The following ECPAS variants were observed in gnomAD, a reference collection of about 807,000 sequenced individuals.
The protein encoded by ECPAS is proteasome adapter and scaffold protein ECM29.
Under a neutral mutation model 255.1 loss-of-function variants are expected in ECPAS, and 70 were observed. That is an observed-to-expected ratio of 0.27 (90% CI 0.23 to 0.33). ECPAS has a LOEUF of 0.33. Ranked by LOEUF, ECPAS falls within the 10% of genes least tolerant of loss-of-function variation. The pLI is 1.00. For synonymous variants in ECPAS, 784 were observed against 775.0 expected (o/e 1.01, Z -0.19); for missense variants, 1,817 against 2,206.4 (o/e 0.82, Z 3.54).
chr9:111,377,744 T>C (rs2098135055), intron 36 of ECPAS, among the ~76,000 whole-genome samples: 1 of 152,222 alleles, frequency 6.6e-6, no homozygotes, highest in African/African-American at 2.4e-5. Context: ...CAGCAGGTGC[T>C]CCTCAGGGAA....
At chr9:111,373,267 T>C (rs986505373) in intron 40 of ECPAS, 31 bp from the exon 41 acceptor site, 3 of 1,613,454 alleles carry the variant, frequency 1.9e-6, no homozygotes, top group African/African-American at 2.7e-5. Context: ...AGTATTTCTT[T>C]ATAACTGTCA....
intron 2 of ECPAS, among the ~76,000 whole-genome samples, chr9:111,462,471 G>A (rs761929448): frequency 1.1e-4 from 17 of 152,094 alleles, no homozygotes; most frequent in Non-Finnish European, 1.2e-4. Flanking sequence ...AGTATTCACA[G>A]ATTACATGAT....
chr9:111,483,814 C>T, intron 1 of ECPAS: 1 of 220,466 alleles, frequency 4.5e-6, no homozygotes, highest in Non-Finnish European at 7.6e-6. Context: ...TCTGTGCGGC[C>T]GAATCCCCGT....
intron 24 of ECPAS, among the ~76,000 whole-genome samples, chr9:111,400,539 T>C (rs2098174234): frequency 1.3e-5 from 2 of 151,962 alleles, no homozygotes; most frequent in Admixed American, 1.3e-4. Flanking sequence ...CAAGAAAACA[T>C]GGAGAAGGAA....
chr9:111,437,515 A>T (rs574371090), intron 6 of ECPAS, among the ~76,000 whole-genome samples: 1 of 152,326 alleles, frequency 6.6e-6, no homozygotes, highest in East Asian at 1.9e-4. Context: ...GTATTTTTAC[A>T]GTCATTCTCA....
At chr9:111,365,416 A>T (rs192441304) in intron 48 of ECPAS, 1 of 155,236 alleles carries the variant, frequency 6.4e-6, no homozygotes, top group East Asian at 1.9e-4. Flanking sequence ...CTATAACTCC[A>T]GTACTTTGGG....
At chr9:111,447,243 G>C (rs561762019) in intron 3 of ECPAS, among the ~76,000 whole-genome samples, 20 of 151,844 alleles carry the variant, frequency 1.3e-4, no homozygotes, top group Non-Finnish European at 2.2e-4. Context: ...TCCTATCTCA[G>C]TCACTGCAGT....
At chr9:111,410,920 T>C in intron 22 of ECPAS, 60 bp downstream of exon 22, 1 of 1,502,598 alleles carries the variant, frequency 6.7e-7, no homozygotes, top group Non-Finnish European at 9.1e-7. Context: ...AAACGCCATA[T>C]TAAAATTTAA....
intron 24 of ECPAS, among the ~76,000 whole-genome samples, chr9:111,402,874 A>G (rs889960528): frequency 6.6e-6 from 1 of 152,164 alleles, no homozygotes; most frequent in Non-Finnish European, 1.5e-5. Context: ...TTTATCCACA[A>G]AGGAAGACAG....
intron 48 of ECPAS, among the ~76,000 whole-genome samples, chr9:111,364,324 T>A (rs2098117705): frequency 6.6e-6 from 1 of 152,108 alleles, no homozygotes; most frequent in African/African-American, 2.4e-5. Flanking sequence ...CGGTGACCTG[T>A]CAAAAGGACA....
intron 1 of ECPAS, among the ~76,000 whole-genome samples, chr9:111,481,155 C>T (rs2132136984): frequency 6.6e-6 from 1 of 152,320 alleles, no homozygotes; most frequent in Admixed American, 6.5e-5. Flanking sequence ...AATTAGAACT[C>T]TGTGTATTGT....
At chr9:111,373,258 G>A (rs759366134) in intron 40 of ECPAS, 22 bp from the exon 41 acceptor site, 1 of 1,613,162 alleles carries the variant, frequency 6.2e-7, no homozygotes, top group East Asian at 2.2e-5. Flanking sequence ...ACAATCCTAA[G>A]TATTTCTTTA....
Position 111,440,441 on chromosome 9 carries a change from A to T in ECPAS, c.470T>A (p.Leu157His), listed in dbSNP as rs2098244220. ...ESSKSASPFNLAEKPKTVQLL... is the reference protein window; with the variant it reads ...ESSKSASPFNHAEKPKTVQLL... The stretch of plus-strand genomic sequence containing the variant: ...CTGCACAGTCTTTGGTTTCTCAGCA[A>T]GATTAAATGGAGAAGCTGATTTTGA... Residue 157 changes from leucine (L) to histidine (H), a missense_variant, in exon 6 of 50, where the codon CTT (leucine) becomes CAT (histidine). Transcript: ENST00000684092. The T allele has an allele frequency of 1.2e-6, 2 of 1,613,586 alleles. No individual in the cohort carries two copies. Among genetic ancestry groups the T allele is most frequent in the South Asian group, 2.2e-5 (2 of 91,038 alleles).
intron 24 of ECPAS, among the ~76,000 whole-genome samples, chr9:111,407,419 A>AAAAAAAAAAAAAAAAAAAAC (rs2098186228): frequency 7.9e-6 from 1 of 127,126 alleles, no homozygotes; most frequent in Non-Finnish European, 1.6e-5. Context: ...AAAAAAAAAA[A>AAAAAAAAAAAAAAAAAAAAC]AAAAAAAAAA....
chr9:111,401,668 G>T (rs1472206546), intron 24 of ECPAS, among the ~76,000 whole-genome samples: 1 of 152,202 alleles, frequency 6.6e-6, no homozygotes, highest in African/African-American at 2.4e-5. Context: ...ACATAAGACA[G>T]ACGCTCCCAG....
At chr9:111,472,304 A>G (rs2132084271) in intron 2 of ECPAS, among the ~76,000 whole-genome samples, 1 of 152,264 alleles carries the variant, frequency 6.6e-6, no homozygotes, top group East Asian at 1.9e-4. Context: ...TTCCTCGAGC[A>G]TGTAAAATGA....
chr9:111,483,456 G>A, intron 1 of ECPAS: 1 of 959,718 alleles, frequency 1.0e-6, no homozygotes, highest in Non-Finnish European at 1.2e-6. Flanking sequence ...CCGGCACCGC[G>A]CGGCGCCCGT....
chr9:111,412,696 A>T (rs905642523), intron 20 of ECPAS, among the ~76,000 whole-genome samples: 12 of 152,326 alleles, frequency 7.9e-5, no homozygotes, highest in African/African-American at 2.9e-4. Context: ...CTAAAACATC[A>T]AAGTTCAATA....
intron 2 of ECPAS, among the ~76,000 whole-genome samples, chr9:111,464,593 GAAAT>G (rs955630315): frequency 3.9e-5 from 6 of 152,032 alleles, no homozygotes; most frequent in Non-Finnish European, 8.8e-5. Context: ...CACAACGATG[GAAAT>G]AAATAAACAA....
Sources: gnomAD v4.1 joint callset for allele counts (sites outside exome capture counted in the v4.1 genomes callset) on GRCh38, gnomAD v4.1.1 for gene constraint, MANE v1.5 for transcripts, NCBI Gene and HGNC (gene_info 2026-07-23, HGNC 2026-07-21) for gene names.